CSMD1: variants seen among roughly 807,000 people sequenced by gnomAD.
The protein encoded by CSMD1 is CUB and sushi domain-containing protein 1.
Under a neutral mutation model 417.5 loss-of-function variants are expected in CSMD1, and 213 were observed. That is an observed-to-expected ratio of 0.51 (90% CI 0.46 to 0.57). The LOEUF (loss-of-function observed/expected upper bound fraction) is 0.57. CSMD1 is among the 20% of genes least tolerant of loss of function. CSMD1 has a pLI of 0.00. For synonymous variants in CSMD1, 2,862 were observed against 1,736.8 expected, an observed-to-expected ratio of 1.65 and a Z score of -16.11; for missense variants, 6,923 against 4,529.7, an observed-to-expected ratio of 1.53 and a Z score of -15.17.
intron 3 of CSMD1, among the ~76,000 whole-genome samples, chr8:4,298,564 T>G (rs906320056): frequency 1.3e-5 from 2 of 152,188 alleles, no homozygotes; most frequent in African/African-American, 4.8e-5. Context: ...TTGTACCCAA[T>G]GAATTTATGT....
chr8:2,992,301 G>C (rs950511983), intron 54 of CSMD1, among the ~76,000 whole-genome samples: 8 of 152,276 alleles, frequency 5.3e-5, no homozygotes, highest in Middle Eastern at 3.4e-3. Context: ...GTTTTGTTTT[G>C]GGGTGATGAA....
At chr8:4,038,401 G>C (rs1017879420) in intron 3 of CSMD1, among the ~76,000 whole-genome samples, 4 of 152,002 alleles carry the variant, frequency 2.6e-5, no homozygotes, top group East Asian at 1.9e-4. Context: ...ATTGTTGCTA[G>C]GTCTATGCAA....
At chr8:4,203,265 T>A (rs1799772109) in intron 3 of CSMD1, among the ~76,000 whole-genome samples, 1 of 152,290 alleles carries the variant, frequency 6.6e-6, no homozygotes, top group East Asian at 1.9e-4. Flanking sequence ...TGCAGAAGAC[T>A]GCCCTGACTC....
chr8:4,146,111 C>T (rs1380688184), intron 3 of CSMD1, among the ~76,000 whole-genome samples: 1 of 150,874 alleles, frequency 6.6e-6, no homozygotes, highest in Non-Finnish European at 1.5e-5. Context: ...AACATAATGG[C>T]AGTCGGTGAG....
intron 17 of CSMD1, among the ~76,000 whole-genome samples, chr8:3,390,179 A>G (rs1278318064): frequency 1.3e-5 from 2 of 151,752 alleles, no homozygotes; most frequent in Non-Finnish European, 2.9e-5. Context: ...ACCTGATGAA[A>G]ACCTGTCTCT....
rs537328810 is a variant in CSMD1, at chr8:4,820,389, T to A, written c.85+173943A>T. Among the ~76,000 whole-genome samples the A allele has an allele frequency of 1.2e-4, 18 of 152,292 alleles. No homozygotes were observed. In the South Asian group the frequency reaches 3.3e-3, roughly 28 times the overall value. On this transcript the variant is annotated intron_variant, in intron 1 of 69. Transcript: ENST00000635120. ...CTTCTATGATTTTTAAGCATTTTAATAGAGCTTGCTTGGCAATTAAAATAT... is the reference window on the plus strand; with the variant it reads ...CTTCTATGATTTTTAAGCATTTTAAAAGAGCTTGCTTGGCAATTAAAATAT...
chr8:3,795,624 A>G lies in CSMD1; in HGVS notation c.819-41582T>C, dbSNP rs559923685. Among the ~76,000 whole-genome samples the G allele has an allele frequency of 4.4e-4, 14 of 31,688 alleles. 3 individuals carry two copies. Among genetic ancestry groups the G allele is most frequent in the South Asian group, 2.7e-3 (3 of 1,102 alleles). The allele number at this position is 31,688 out of a possible 152,430, so 20.8% of individuals were successfully genotyped here. On this transcript the variant is annotated intron_variant, in intron 5 of 69. Transcript: ENST00000635120. ...ATATATCTATCATAGATATAGATATATATCTATCATGTATAGATATAGATA... is the reference window on the plus strand; with the variant it reads ...ATATATCTATCATAGATATAGATATGTATCTATCATGTATAGATATAGATA...
At chr8:4,640,698 C>G (rs888940096) in intron 1 of CSMD1, among the ~76,000 whole-genome samples, 15 of 152,164 alleles carry the variant, frequency 9.9e-5, no homozygotes, top group Non-Finnish European at 2.2e-4. Flanking sequence ...ATGCTGCAAA[C>G]ATAACCATAT....
chr8:4,034,084 G>A (rs1343996534), intron 3 of CSMD1, among the ~76,000 whole-genome samples: 1 of 152,080 alleles, frequency 6.6e-6, no homozygotes, highest in South Asian at 2.1e-4. Flanking sequence ...TCGGCATGGG[G>A]GTGTATTTTA....
chr8:3,380,890 TG>T (rs1036656105), intron 18 of CSMD1, among the ~76,000 whole-genome samples: 5 of 147,954 alleles, frequency 3.4e-5, no homozygotes, highest in African/African-American at 1.2e-4. Context: ...TAAAGTATAA[TG>T]AAAAAAAAAA....
chr8:4,560,420 G>A (rs925932380), intron 2 of CSMD1, among the ~76,000 whole-genome samples: 1 of 152,334 alleles, frequency 6.6e-6, no homozygotes, highest in African/African-American at 2.4e-5. Flanking sequence ...AAAAGATCAT[G>A]TCTGATGGGC....
chr8:4,666,491 T>G (rs1563099720), intron 1 of CSMD1, among the ~76,000 whole-genome samples: 1 of 152,088 alleles, frequency 6.6e-6, no homozygotes, highest in South Asian at 2.1e-4. Context: ...AAAGGTGAAT[T>G]TTTACTAAGA....
At chr8:4,712,053 C>T (rs1808338088) in intron 1 of CSMD1, among the ~76,000 whole-genome samples, 2 of 152,112 alleles carry the variant, frequency 1.3e-5, no homozygotes, top group Non-Finnish European at 2.9e-5. Flanking sequence ...GGAGAAATCC[C>T]ATAAAATGCA....
At chr8:4,454,441 G>A (rs551429275) in intron 2 of CSMD1, among the ~76,000 whole-genome samples, 1 of 152,230 alleles carries the variant, frequency 6.6e-6, no homozygotes, top group African/African-American at 2.4e-5. Flanking sequence ...CCCTAGTCTG[G>A]CTACACCGCC....
intron 1 of CSMD1, among the ~76,000 whole-genome samples, chr8:4,773,775 T>G (rs573853090): frequency 6.6e-6 from 1 of 152,266 alleles, no homozygotes; most frequent in African/African-American, 2.4e-5. Context: ...AGGAAGCAAT[T>G]AATATTATCA....
intron 2 of CSMD1, among the ~76,000 whole-genome samples, chr8:4,479,079 TA>T (rs1800952206): frequency 6.6e-6 from 1 of 152,164 alleles, no homozygotes; most frequent in South Asian, 2.1e-4. Context: ...TTTACGTGTG[TA>T]AAGAAATAAG....
intron 1 of CSMD1, among the ~76,000 whole-genome samples, chr8:4,969,913 T>A (rs151102875): frequency 1.3e-5 from 2 of 152,198 alleles, no homozygotes; most frequent in East Asian, 1.9e-4. Flanking sequence ...AGAGTTTGAG[T>A]TTGAAGTATA....
intron 1 of CSMD1, among the ~76,000 whole-genome samples, chr8:4,835,510 G>A (rs895670150): frequency 6.6e-6 from 1 of 152,284 alleles, no homozygotes; most frequent in South Asian, 2.1e-4. Context: ...AAACAATGAG[G>A]TACGCAAATC....
chr8:4,829,475 C>T (rs763551789), intron 1 of CSMD1, among the ~76,000 whole-genome samples: 46 of 152,184 alleles, frequency 3.0e-4, no homozygotes, highest in South Asian at 6.2e-4. Context: ...GGTGCAGTGG[C>T]TAATACCTGT....
Sources: gnomAD v4.1 joint callset for allele counts (sites outside exome capture counted in the v4.1 genomes callset) on GRCh38, gnomAD v4.1.1 for gene constraint, MANE v1.5 for transcripts, NCBI Gene and HGNC (gene_info 2026-07-23, HGNC 2026-07-21) for gene names.